Variants in MAGI3 observed in about 807,000 individuals in gnomAD.
MAGI3 encodes the protein membrane associated guanylate kinase, WW and PDZ domain containing 3, also known as membrane-associated guanylate kinase, WW and PDZ domain-containing protein 3.
Under a neutral mutation model 121.8 loss-of-function variants are expected in MAGI3, and 43 were observed. That is an observed-to-expected ratio of 0.35 (90% CI 0.28 to 0.46). The LOEUF (loss-of-function observed/expected upper bound fraction) is 0.46, where lower values mean the gene tolerates loss of function less well. MAGI3 is among the 20% of genes least tolerant of loss of function. The pLI is 1.00. For missense variants in MAGI3, 1,547 were observed against 1,797.3 expected (o/e 0.86, Z 2.52); for synonymous variants, 553 against 639.3 (o/e 0.86, Z 2.04).
At chr1:113,504,936 G>C (rs1657234731) in intron 1 of MAGI3, among the ~76,000 whole-genome samples, 1 of 152,158 alleles carries the variant, frequency 6.6e-6, no homozygotes, top group African/African-American at 2.4e-5. Flanking sequence ...AAGATATACA[G>C]AAGTATGTAT....
At chr1:113,483,253 T>C (rs1156440483) in intron 1 of MAGI3, among the ~76,000 whole-genome samples, 1 of 152,234 alleles carries the variant, frequency 6.6e-6, no homozygotes, top group Admixed American at 6.5e-5. Flanking sequence ...TGACTTTTGA[T>C]GCTCTTTCTT....
chr1:113,525,449 C>T (rs1301454148), intron 1 of MAGI3, among the ~76,000 whole-genome samples: 1 of 151,662 alleles, frequency 6.6e-6, no homozygotes, highest in Admixed American at 6.6e-5. Context: ...TTGAAAACTG[C>T]ACATACTGAT....
intron 11 of MAGI3, 75 bp downstream of exon 11, chr1:113,643,849 GCTC>G: frequency 1.4e-6 from 2 of 1,396,774 alleles, no homozygotes; most frequent in Non-Finnish European, 2.0e-6. Context: ...TGTAAGAGGA[GCTC>G]ACTGTGGTGA....
intron 2 of MAGI3, among the ~76,000 whole-genome samples, chr1:113,564,301 T>A (rs12077419): frequency 0.22 from 34,156 of 152,030 alleles, 4,882 homozygotes; most frequent in East Asian, 0.65. Context: ...AATTACAGTA[T>A]CACTTATGGT....
chr1:113,668,168 A>G (rs1246180103), intron 16 of MAGI3, among the ~76,000 whole-genome samples: 1 of 152,224 alleles, frequency 6.6e-6, no homozygotes, highest in Non-Finnish European at 1.5e-5. Context: ...GAAAGTGAGC[A>G]CATGCTGTTG....
At chr1:113,613,655 A>C (rs1351960892) in intron 6 of MAGI3, among the ~76,000 whole-genome samples, 4 of 152,168 alleles carry the variant, frequency 2.6e-5, no homozygotes, top group Non-Finnish European at 4.4e-5. Context: ...AATTGAAAAT[A>C]AAAGCGTGGG....
At chr1:113,677,601 T>C (rs1647958469) in intron 19 of MAGI3, among the ~76,000 whole-genome samples, 1 of 152,254 alleles carries the variant, frequency 6.6e-6, no homozygotes, top group South Asian at 2.1e-4. Flanking sequence ...AAATATTTTG[T>C]CATTTTAATA....
At chr1:113,657,645 G>A (rs573957775) in intron 15 of MAGI3, among the ~76,000 whole-genome samples, 75 of 152,298 alleles carry the variant, frequency 4.9e-4, no homozygotes, top group Non-Finnish European at 9.6e-4. Context: ...TATTGATTTA[G>A]AAGGTCACCA....
chr1:113,512,507 T>C (rs1215870841), intron 1 of MAGI3, among the ~76,000 whole-genome samples: 1 of 152,188 alleles, frequency 6.6e-6, no homozygotes, highest in African/African-American at 2.4e-5. Flanking sequence ...GGGAGAGAAA[T>C]AAAAATATGT....
chr1:113,437,249 CT>C (rs1408984678), intron 1 of MAGI3, among the ~76,000 whole-genome samples: 1 of 151,810 alleles, frequency 6.6e-6, no homozygotes, highest in Non-Finnish European at 1.5e-5. Flanking sequence ...TTTCTTTCCC[CT>C]TCCCCCTCCA....
chr1:113,592,795 G>A (rs994119224), intron 5 of MAGI3, among the ~76,000 whole-genome samples: 1 of 152,094 alleles, frequency 6.6e-6, no homozygotes, highest in Non-Finnish European at 1.5e-5. Context: ...GGCGGATTAT[G>A]AGGTCAGGAG....
chr1:113,658,774 G>C lies in MAGI3; in HGVS notation c.2630-306G>C, dbSNP rs1653615906. Among the ~76,000 whole-genome samples the C allele has an allele frequency of 6.6e-6, 1 of 152,176 alleles. No homozygotes were observed. Among genetic ancestry groups the C allele is most frequent in the Admixed American group, 6.5e-5 (1 of 15,270 alleles). On this transcript the variant is annotated intron_variant, in intron 15 of 20. Coordinates refer to ENST00000307546, the MANE Select transcript of MAGI3 (RefSeq NM_001142782.2). The surrounding 1 kb of genome is among the most constrained non-coding windows in gnomAD (Gnocchi z 4.0). ...TCAGGTGGTATCAGTGAGATTAGTA[G>C]CTCTTAAACAGAACAATTACGATGA...
At chr1:113,463,242 AG>A (rs1374012822) in intron 1 of MAGI3, among the ~76,000 whole-genome samples, 1 of 151,820 alleles carries the variant, frequency 6.6e-6, no homozygotes, top group African/African-American at 2.4e-5. Flanking sequence ...TCTAGACTAG[AG>A]GTTTCAGTCT....
chr1:113,627,602 T>TTA (rs1651323540), intron 9 of MAGI3, among the ~76,000 whole-genome samples: 1 of 148,088 alleles, frequency 6.8e-6, no homozygotes, highest in Non-Finnish European at 1.5e-5. Flanking sequence ...TATATAATAA[T>TTA]TATATATATA....
At chr1:113,490,646 A>T (rs1269076054) in intron 1 of MAGI3, among the ~76,000 whole-genome samples, 1 of 152,242 alleles carries the variant, frequency 6.6e-6, no homozygotes, top group Non-Finnish European at 1.5e-5. Context: ...ACACGGAGTG[A>T]CATACATAGG....
rs1307422996 is a variant in MAGI3, at chr1:113,685,482, A to G, written c.*1468A>G. ...TGAAACTCTTTAACCCAACAACTCA[A>G]TTAGCCCCTGTAGATAAGACATGCT... On this transcript the variant is annotated 3_prime_UTR_variant, in exon 21 of 21. Coordinates refer to ENST00000307546, the MANE Select transcript of MAGI3 (RefSeq NM_001142782.2). The G allele has an allele frequency of 6.6e-6, 1 of 152,320 alleles. No homozygotes were observed. The highest frequency in any genetic ancestry group is 1.5e-5 in the Non-Finnish European group (1 of 68,022). The allele number at this position is 152,320 out of a possible 1,614,324, so 9.4% of individuals were successfully genotyped here.
chr1:113,656,635 T>G (rs1193821812), intron 15 of MAGI3, among the ~76,000 whole-genome samples: 1 of 152,136 alleles, frequency 6.6e-6, no homozygotes, highest in Non-Finnish European at 1.5e-5. Flanking sequence ...CAGGCTGGTC[T>G]CAAACTCCCA....
chr1:113,672,571 CATTTTCTCAGTTCA>C (rs758010241), intron 17 of MAGI3, 30 bp from the exon 18 acceptor site: 22 of 1,575,984 alleles, frequency 1.4e-5, no homozygotes, highest in Non-Finnish European at 1.5e-5. Context: ...GACTGTTTTT[CATTTTCTCAGTTCA>C]GAGAGTGACT....
chr1:113,646,701 T>C, intron 12 of MAGI3, 59 bp downstream of exon 12: 1 of 1,328,306 alleles, frequency 7.5e-7, no homozygotes, highest in African/African-American at 1.5e-5. Context: ...GGATTTATTT[T>C]AGACTAGGAC....
Sources: gnomAD v4.1 joint callset for allele counts (sites outside exome capture counted in the v4.1 genomes callset) on GRCh38, gnomAD v4.1.1 for gene constraint, Gnocchi (gnomAD v3.1) non-coding constraint, MANE v1.5 for transcripts, NCBI Gene and HGNC (gene_info 2026-07-23, HGNC 2026-07-21) for gene names.